Variants in KIAA1217 observed in about 807,000 individuals in gnomAD.
The protein encoded by KIAA1217 is sickle tail protein homolog.
Under a neutral mutation model 163.9 loss-of-function variants are expected in KIAA1217, and 88 were observed. That is an observed-to-expected ratio of 0.54 (90% CI 0.45 to 0.64). The LOEUF (loss-of-function observed/expected upper bound fraction) is 0.64, where lower values mean the gene tolerates loss of function less well. KIAA1217 is among the 30% of genes least tolerant of loss of function. The pLI is 0.00. For synonymous variants in KIAA1217, 903 were observed against 923.1 expected (o/e 0.98, Z 0.39); for missense variants, 2,372 against 2,475.0 (o/e 0.96, Z 0.88).
At chr10:24,124,709 G>T (rs1589588848) in intron 2 of KIAA1217, among the ~76,000 whole-genome samples, 1 of 151,922 alleles carries the variant, frequency 6.6e-6, no homozygotes, top group African/African-American at 2.4e-5. Context: ...CTCTTTTAAT[G>T]CATTAACTGG....
At chr10:23,813,126 C>T (rs1408145513) in intron 1 of KIAA1217, among the ~76,000 whole-genome samples, 1 of 152,126 alleles carries the variant, frequency 6.6e-6, no homozygotes, top group Non-Finnish European at 1.5e-5. Context: ...TTGATGATAG[C>T]ATCCTAGTGT....
intron 17 of KIAA1217, among the ~76,000 whole-genome samples, chr10:24,539,981 A>G (rs1203894472): frequency 6.6e-6 from 1 of 152,190 alleles, no homozygotes; most frequent in African/African-American, 2.4e-5. Context: ...ATACATATTA[A>G]AGAGGCATAA....
At chr10:24,245,207 A>G (rs17504713) in intron 2 of KIAA1217, among the ~76,000 whole-genome samples, 6,297 of 152,260 alleles carry the variant, frequency 0.041, 179 homozygotes, top group Admixed American at 0.056. Flanking sequence ...TGATTAAGCA[A>G]CAAACGTGGT....
intron 2 of KIAA1217, among the ~76,000 whole-genome samples, chr10:24,017,891 T>A (rs1167102561): frequency 1.3e-5 from 2 of 152,108 alleles, no homozygotes; most frequent in Non-Finnish European, 2.9e-5. Context: ...TAAGGACAAG[T>A]GCACATCTCA....
intron 10 of KIAA1217, among the ~76,000 whole-genome samples, chr10:24,517,004 C>T (rs1443198130): frequency 6.6e-6 from 1 of 151,686 alleles, no homozygotes; most frequent in Non-Finnish European, 1.5e-5. Context: ...CCAATGTCTA[C>T]AAAATAAAAA....
chr10:24,399,945 G>A (rs1407551646), intron 3 of KIAA1217, among the ~76,000 whole-genome samples: 2 of 152,184 alleles, frequency 1.3e-5, no homozygotes, highest in Admixed American at 6.5e-5. Flanking sequence ...TATCAAAGTG[G>A]AAATCACCAT....
At chr10:24,173,799 T>C (rs2065743704) in intron 2 of KIAA1217, among the ~76,000 whole-genome samples, 1 of 152,218 alleles carries the variant, frequency 6.6e-6, no homozygotes, top group South Asian at 2.1e-4. Flanking sequence ...GTGTTAGTAT[T>C]AGTTTGAGTA....
At chr10:24,510,789 T>C (rs2069005679) in intron 9 of KIAA1217, among the ~76,000 whole-genome samples, 4 of 152,092 alleles carry the variant, frequency 2.6e-5, no homozygotes, top group Non-Finnish European at 5.9e-5. Context: ...ATCCCCGCAG[T>C]GAGAGCAAGA....
At chr10:24,348,764 A>G (rs542522571) in intron 2 of KIAA1217, among the ~76,000 whole-genome samples, 1 of 152,214 alleles carries the variant, frequency 6.6e-6, no homozygotes, top group South Asian at 2.1e-4. Flanking sequence ...ATCATTGGGG[A>G]TTTTCTTTTG....
In KIAA1217 at chr10:24,546,309, A is replaced by G. The variant is rs761133997; in HGVS notation, c.5817A>G (p.Ala1939=). The change falls in exon 21 of 21, where the codon GCA becomes GCG. Residue 1939 remains alanine, a synonymous_variant. Coordinates refer to ENST00000376454, the MANE Select transcript of KIAA1217 (RefSeq NM_019590.5). ...GSSSKATPST[A]KETS is the part of the protein sequence containing the mutation. Reference sequence around the variant, plus strand: ...CAAGCAAAGCCACCCCATCCACAGCAAAAGAAACCTCTTAAAGGTCAAATC... The same window carrying G: ...CAAGCAAAGCCACCCCATCCACAGCGAAAGAAACCTCTTAAAGGTCAAATC... The G allele has an allele frequency of 2.1e-5, 34 of 1,596,578 alleles. 1 individual carries two copies. Among genetic ancestry groups the G allele is most frequent in the South Asian group, 2.0e-4 (18 of 88,638 alleles).
At chr10:24,017,391 A>G (rs1847532789) in intron 2 of KIAA1217, among the ~76,000 whole-genome samples, 1 of 152,036 alleles carries the variant, frequency 6.6e-6, no homozygotes, top group Admixed American at 6.6e-5. Context: ...TGAAGTAGAG[A>G]GCCTTTCACT....
At chr10:24,027,981 C>A (rs1305489341) in intron 2 of KIAA1217, among the ~76,000 whole-genome samples, 1 of 152,034 alleles carries the variant, frequency 6.6e-6, no homozygotes, top group African/African-American at 2.4e-5. Context: ...AATAACAGTG[C>A]CCACTTTGCA....
At chr10:23,700,365 A>G (rs1307130083) in intron 1 of KIAA1217, among the ~76,000 whole-genome samples, 1 of 151,886 alleles carries the variant, frequency 6.6e-6, no homozygotes, top group Non-Finnish European at 1.5e-5. Flanking sequence ...TGACTTCCCA[A>G]CCTCTCTCTG....
chr10:24,098,724 CGTGTGTGT>C lies in KIAA1217; in HGVS notation c.-171+91379_-171+91386del, dbSNP rs10524680. 5.8e-3 allele frequency among the ~76,000 whole-genome samples: 808 copies of C among 139,370 alleles called. 14 individuals carry two copies. The highest frequency in any genetic ancestry group is 0.021 in the African/African-American group (786 of 36,982). The allele number at this position is 139,370 out of a possible 152,430, so 91.4% of individuals were successfully genotyped here. A position where few individuals can be genotyped will look rare whatever the true frequency, so the allele number is the denominator to read the frequency against. ...TGTAACCCTCCCCTCTGAAGGGGAG[CGTGTGTGT>C]GTGTGTGTGTGTGTGTGTGTGTGTG... On this transcript the variant is annotated intron_variant, in intron 2 of 18. Coordinates refer to the KIAA1217 transcript ENST00000376462.
At chr10:23,798,610 G>A (rs2130951039) in intron 1 of KIAA1217, among the ~76,000 whole-genome samples, 1 of 152,318 alleles carries the variant, frequency 6.6e-6, no homozygotes, top group South Asian at 2.1e-4. Flanking sequence ...TAATGGTAGA[G>A]TGAGTGCAGA....
At chr10:24,207,282 T>TCTCTCACACACACACACACA (rs529791287), upstream of KIAA1217, among the ~76,000 whole-genome samples, 6 of 140,166 alleles carry the variant, frequency 4.3e-5, no homozygotes, top group African/African-American at 1.7e-4. Flanking sequence ...TCTCTCTCTC[T>TCTCTCACACACACACACACA]CACACACACA....
At chr10:24,009,076 G>T (rs1847134396) in intron 2 of KIAA1217, among the ~76,000 whole-genome samples, 1 of 152,168 alleles carries the variant, frequency 6.6e-6, no homozygotes, top group South Asian at 2.1e-4. Context: ...TCTCTCTTGT[G>T]ACTGTTTTGT....
chr10:23,907,149 T>A lies in KIAA1217; in HGVS notation c.-320-100076T>A, dbSNP rs546701106. Among the ~76,000 whole-genome samples the A allele has an allele frequency of 2.0e-5, 3 of 152,296 alleles. No individual in the cohort carries two copies. In the East Asian group the frequency reaches 5.8e-4, roughly 29 times the overall value. On this transcript the variant is annotated intron_variant, in intron 1 of 18. Coordinates refer to the KIAA1217 transcript ENST00000376462. ...GGCCTAAAGACCTTTATTGGACTGC[T>A]GCTTTGCTTGAGTTATTCAACAAAT... is the stretch of plus-strand genomic sequence containing the variant.
intron 2 of KIAA1217, among the ~76,000 whole-genome samples, chr10:24,257,496 TC>T (rs1244658676): frequency 2.0e-5 from 3 of 152,122 alleles, no homozygotes; most frequent in Non-Finnish European, 4.4e-5. Context: ...AGTCCTTGAT[TC>T]CCTCATCCCA....
Sources: gnomAD v4.1 joint callset for allele counts (sites outside exome capture counted in the v4.1 genomes callset) on GRCh38, gnomAD v4.1.1 for gene constraint, MANE v1.5 for transcripts, NCBI Gene and HGNC (gene_info 2026-07-23, HGNC 2026-07-21) for gene names.